CCSER1: variants seen among roughly 807,000 people sequenced by gnomAD.
The protein encoded by CCSER1 is coiled-coil serine rich protein 1, also known as serine-rich coiled-coil domain-containing protein 1.
In CCSER1, 41 loss-of-function variants were observed where a neutral mutation model predicts 82.0. The ratio of observed to expected loss-of-function variants is 0.50; its 90% confidence interval spans 0.39 to 0.65. The LOEUF is 0.65. Ranked by LOEUF, CCSER1 falls within the 30% of genes least tolerant of loss-of-function variation. CCSER1 has a pLI of 0.00. For missense variants in CCSER1, 1,119 were observed against 1,064.2 expected, an observed-to-expected ratio of 1.05 and a Z score of -0.72; for synonymous variants, 414 against 383.9, an observed-to-expected ratio of 1.08 and a Z score of -0.92.
At chr4:91,191,195 A>T (rs979907863) in intron 10 of CCSER1, among the ~76,000 whole-genome samples, 2 of 152,290 alleles carry the variant, frequency 1.3e-5, no homozygotes, top group Non-Finnish European at 1.5e-5. Context: ...TTCAAAGCTA[A>T]CTGCCTTACC....
intron 1 of CCSER1, among the ~76,000 whole-genome samples, chr4:90,128,674 G>T (rs1489158946): frequency 6.6e-6 from 1 of 152,150 alleles, no homozygotes; most frequent in Non-Finnish European, 1.5e-5. Flanking sequence ...TAAGGGTGAC[G>T]GAGGGATTTG....
chr4:90,968,215 A>T (rs1384218383), intron 9 of CCSER1, among the ~76,000 whole-genome samples: 2 of 151,596 alleles, frequency 1.3e-5, no homozygotes, highest in Non-Finnish European at 2.9e-5. Flanking sequence ...ACATAAAATA[A>T]TAATAATAAT....
intron 10 of CCSER1, among the ~76,000 whole-genome samples, chr4:91,347,037 T>G (rs187300006): frequency 5.1e-4 from 78 of 152,240 alleles, no homozygotes; most frequent in African/African-American, 1.7e-3. Flanking sequence ...GCATCAGGCT[T>G]TAGTGTTGTA....
chr4:91,514,050 A>T (rs1189513433), intron 10 of CCSER1, among the ~76,000 whole-genome samples: 1 of 151,832 alleles, frequency 6.6e-6, no homozygotes, highest in Non-Finnish European at 1.5e-5. Context: ...GTGTTGTTAG[A>T]TTGTTAATTT....
intron 5 of CCSER1, among the ~76,000 whole-genome samples, chr4:90,486,588 A>G (rs905659094): frequency 6.6e-6 from 1 of 152,230 alleles, no homozygotes; most frequent in Non-Finnish European, 1.5e-5. Flanking sequence ...ACTAGTCATG[A>G]AAACCTCATT....
chr4:91,592,159 T>A (rs1231852800), intron 10 of CCSER1, among the ~76,000 whole-genome samples: 5 of 152,136 alleles, frequency 3.3e-5, no homozygotes, highest in African/African-American at 1.2e-4. Context: ...GAAGACATAC[T>A]TGACTTAGAA....
intron 10 of CCSER1, among the ~76,000 whole-genome samples, chr4:91,279,272 A>G (rs1384543529): frequency 6.6e-6 from 1 of 152,000 alleles, no homozygotes; most frequent in Non-Finnish European, 1.5e-5. Flanking sequence ...CTGTATCTGA[A>G]TGTCTCAATC....
At chr4:90,666,114 G>C (rs1193597051) in intron 6 of CCSER1, among the ~76,000 whole-genome samples, 1 of 151,954 alleles carries the variant, frequency 6.6e-6, no homozygotes, top group Non-Finnish European at 1.5e-5. Context: ...ATATCTGCCT[G>C]ACATCCCCCC....
At chr4:91,228,933 A>G (rs749198191) in intron 10 of CCSER1, among the ~76,000 whole-genome samples, 1 of 152,128 alleles carries the variant, frequency 6.6e-6, no homozygotes, top group Non-Finnish European at 1.5e-5. Context: ...TATATGTTAC[A>G]TATCTTGTAA....
chr4:90,743,021 T>C (rs1201499480), intron 7 of CCSER1, among the ~76,000 whole-genome samples: 3 of 152,236 alleles, frequency 2.0e-5, no homozygotes, highest in Non-Finnish European at 4.4e-5. Flanking sequence ...ATTCTATTAT[T>C]TATTGTTATT....
chr4:91,478,884 AT>A (rs34410786), intron 10 of CCSER1, among the ~76,000 whole-genome samples: 16,399 of 151,778 alleles, frequency 0.11, 943 homozygotes, highest in Non-Finnish European at 0.12. Flanking sequence ...AGCATTGCAG[AT>A]TTTTAATTTA....
chr4:91,432,571 A>G (rs6532305), intron 10 of CCSER1, among the ~76,000 whole-genome samples: 130,055 of 152,148 alleles, frequency 0.85, 55,973 homozygotes, highest in African/African-American at 0.96. Flanking sequence ...TCAAACTTCC[A>G]TACTTTTATT....
At chr4:90,583,293 A>G (rs1781623452) in intron 5 of CCSER1, among the ~76,000 whole-genome samples, 1 of 152,088 alleles carries the variant, frequency 6.6e-6, no homozygotes, top group Admixed American at 6.5e-5. Context: ...CAGCCTCCTC[A>G]GTAGCTGGGA....
At chr4:90,479,437 G>A (rs1277537727) in intron 5 of CCSER1, among the ~76,000 whole-genome samples, 1 of 152,010 alleles carries the variant, frequency 6.6e-6, no homozygotes, top group African/African-American at 2.4e-5. Flanking sequence ...GTGCAGGTTT[G>A]TTACATATAT....
intron 9 of CCSER1, among the ~76,000 whole-genome samples, chr4:90,995,098 T>C (rs1280678604): frequency 6.6e-6 from 1 of 152,100 alleles, no homozygotes; most frequent in African/African-American, 2.4e-5. Context: ...AACATTCCCA[T>C]GAGGTAAATG....
intron 9 of CCSER1, among the ~76,000 whole-genome samples, chr4:91,057,712 A>G (rs115365324): frequency 0.016 from 2,444 of 152,228 alleles, 30 homozygotes; most frequent in Middle Eastern, 0.031. Context: ...ATTTAAACTT[A>G]GGTAGATTCA....
intron 10 of CCSER1, among the ~76,000 whole-genome samples, chr4:91,451,276 T>G (rs115700396): frequency 1.8e-4 from 27 of 152,008 alleles, no homozygotes; most frequent in African/African-American, 6.3e-4. Context: ...ATATGAAAAT[T>G]TAAGGGCTTC....
At chr4:91,150,749 T>C (rs1730094285) in intron 10 of CCSER1, among the ~76,000 whole-genome samples, 1 of 152,214 alleles carries the variant, frequency 6.6e-6, no homozygotes, top group Non-Finnish European at 1.5e-5. Context: ...TGTCTTTGGT[T>C]CTGTTTATAT....
chr4:91,167,755 C>A (rs1435663573), intron 10 of CCSER1, among the ~76,000 whole-genome samples: 1 of 152,160 alleles, frequency 6.6e-6, no homozygotes, highest in Non-Finnish European at 1.5e-5. Context: ...TACAGTGGAG[C>A]CTAGGTTAAA....
Sources: allele counts gnomAD v4.1 joint callset (sites outside exome capture counted in the v4.1 genomes callset), GRCh38; gene constraint gnomAD v4.1.1; transcripts MANE v1.5; gene names NCBI Gene and HGNC (gene_info 2026-07-23, HGNC 2026-07-21).